Variants in SPAG16 observed in about 807,000 individuals in gnomAD.
The protein encoded by SPAG16 is sperm associated antigen 16, also known as sperm-associated antigen 16 protein.
SPAG16 carries 86 observed loss-of-function variants against 80.4 expected under a neutral mutation model. The observed-to-expected ratio is 1.07, with a 90% confidence interval of 0.90 to 1.28. The LOEUF (loss-of-function observed/expected upper bound fraction) is 1.28. SPAG16 is among the 50% of genes most tolerant of loss of function. The pLI, the probability that SPAG16 is intolerant of heterozygous loss-of-function variation, is 0.00. For missense variants in SPAG16, 870 were observed against 765.3 expected, an observed-to-expected ratio of 1.14 and a Z score of -1.61; for synonymous variants, 294 against 265.9, an observed-to-expected ratio of 1.11 and a Z score of -1.03.
chr2:214,203,376 C>T (rs537843582), intron 15 of SPAG16, among the ~76,000 whole-genome samples: 2 of 152,206 alleles, frequency 1.3e-5, no homozygotes, highest in East Asian at 1.9e-4. Flanking sequence ...AGACTCAAAT[C>T]GTGAATTTTG....
intron 12 of SPAG16, among the ~76,000 whole-genome samples, chr2:213,961,249 C>T (rs1464151382): frequency 6.6e-6 from 1 of 152,134 alleles, no homozygotes; most frequent in African/African-American, 2.4e-5. Context: ...TTGTATATTG[C>T]TCATGTATCC....
intron 10 of SPAG16, among the ~76,000 whole-genome samples, chr2:213,810,237 C>T (rs1214464896): frequency 1.3e-5 from 2 of 152,052 alleles, no homozygotes; most frequent in Admixed American, 6.6e-5. Context: ...CTGAGAATAG[C>T]ATGGACATTA....
intron 9 of SPAG16, among the ~76,000 whole-genome samples, chr2:213,447,752 G>T (rs1237628969): frequency 6.6e-6 from 1 of 152,196 alleles, no homozygotes; most frequent in African/African-American, 2.4e-5. Flanking sequence ...AACTTTGGAC[G>T]AATAATCAAA....
At chr2:213,702,624 A>G (rs1415590540) in intron 10 of SPAG16, among the ~76,000 whole-genome samples, 39 of 152,170 alleles carry the variant, frequency 2.6e-4, no homozygotes, top group Non-Finnish European at 1.0e-4. Context: ...TAATTTTTCA[A>G]AATTATTTCA....
chr2:214,227,804 A>G (rs1688381755), intron 15 of SPAG16, among the ~76,000 whole-genome samples: 1 of 150,348 alleles, frequency 6.7e-6, no homozygotes, highest in African/African-American at 2.4e-5. Flanking sequence ...GACAAATCTC[A>G]GTTTGTTATT....
At chr2:213,803,939 C>T (rs1304699052) in intron 10 of SPAG16, among the ~76,000 whole-genome samples, 2 of 152,304 alleles carry the variant, frequency 1.3e-5, no homozygotes, top group Admixed American at 6.5e-5. Context: ...TGATCCTTTG[C>T]ATCTCAGAAT....
chr2:213,364,153 T>C lies in SPAG16; in HGVS notation c.832+8T>C. On this transcript the variant is annotated splice_region_variant and intron_variant, in intron 8 of 15. Transcript: ENST00000331683. Reference sequence around the variant, plus strand: ...ATGGTCCTCAAATTAAAGGTAAATGTAAAATGTGATGAAGCTCTCATTTAA... The same window carrying C: ...ATGGTCCTCAAATTAAAGGTAAATGCAAAATGTGATGAAGCTCTCATTTAA... 1.4e-6 allele frequency: 2 copies of C among 1,471,954 alleles called. No individual in the cohort carries two copies. The highest frequency in any genetic ancestry group is 1.4e-5 in the South Asian group (1 of 69,412). 91.2% of individuals were successfully genotyped at this position (1,471,954 alleles called of 1,614,324 possible).
At chr2:214,048,895 G>T (rs2049484933) in intron 13 of SPAG16, among the ~76,000 whole-genome samples, 1 of 152,092 alleles carries the variant, frequency 6.6e-6, no homozygotes, top group Admixed American at 6.6e-5. Flanking sequence ...AATATAAGGA[G>T]AATTTAGTAG....
chr2:213,698,090 A>T (rs1213568355), intron 10 of SPAG16, among the ~76,000 whole-genome samples: 1 of 152,104 alleles, frequency 6.6e-6, no homozygotes, highest in African/African-American at 2.4e-5. Context: ...CCTCTTTGTT[A>T]ATCAGTTGAT....
intron 9 of SPAG16, among the ~76,000 whole-genome samples, chr2:213,398,378 C>T (rs1377936350): frequency 6.6e-6 from 1 of 152,112 alleles, no homozygotes; most frequent in South Asian, 2.1e-4. Context: ...TCATTATAAC[C>T]TCTGAGGCCC....
chr2:213,909,125 C>T (rs2077550393), intron 11 of SPAG16, among the ~76,000 whole-genome samples: 1 of 152,128 alleles, frequency 6.6e-6, no homozygotes, highest in African/African-American at 2.4e-5. Context: ...CTCACATTCA[C>T]AATTGCTTCA....
chr2:213,983,220 G>T (rs2045851230), intron 12 of SPAG16, among the ~76,000 whole-genome samples: 1 of 151,778 alleles, frequency 6.6e-6, no homozygotes, highest in African/African-American at 2.4e-5. Context: ...ACATTATTTG[G>T]AAATGCTATA....
At chr2:214,027,563 G>C (rs1388871213) in intron 13 of SPAG16, among the ~76,000 whole-genome samples, 1 of 151,650 alleles carries the variant, frequency 6.6e-6, no homozygotes, top group Non-Finnish European at 1.5e-5. Context: ...ATTGATAAAG[G>C]ATCTATAAGA....
intron 10 of SPAG16, among the ~76,000 whole-genome samples, chr2:213,707,596 A>G (rs1233479362): frequency 1.3e-5 from 2 of 152,154 alleles, no homozygotes; most frequent in East Asian, 1.9e-4. Context: ...GGTGCTCTGC[A>G]TATATGTGTG....
chr2:213,305,632 T>G (rs1311661181), intron 3 of SPAG16, among the ~76,000 whole-genome samples: 1 of 152,192 alleles, frequency 6.6e-6, no homozygotes, highest in Non-Finnish European at 1.5e-5. Flanking sequence ...ATTTTTGATC[T>G]TCATTCTTTT....
chr2:214,302,868 A>G (rs1694657509), intron 15 of SPAG16, among the ~76,000 whole-genome samples: 2 of 152,184 alleles, frequency 1.3e-5, no homozygotes, highest in Non-Finnish European at 2.9e-5. Flanking sequence ...TCCTTTATTC[A>G]TTATATAGTG....
intron 12 of SPAG16, among the ~76,000 whole-genome samples, chr2:213,935,533 G>A (rs1234061989): frequency 6.6e-6 from 1 of 152,128 alleles, no homozygotes; most frequent in Admixed American, 6.6e-5. Context: ...CTTGCCAATA[G>A]CAACATATGC....
At chr2:213,403,371 G>T (rs1304239337) in intron 9 of SPAG16, among the ~76,000 whole-genome samples, 1 of 152,064 alleles carries the variant, frequency 6.6e-6, no homozygotes, top group African/African-American at 2.4e-5. Context: ...CTCCCATTCT[G>T]TCGGTTGCCT....
At chr2:214,065,384 G>A (rs1374543242) in intron 13 of SPAG16, among the ~76,000 whole-genome samples, 1 of 151,930 alleles carries the variant, frequency 6.6e-6, no homozygotes, top group Admixed American at 6.6e-5. Context: ...AACACCGACT[G>A]GAACATAGTA....
Sources: gnomAD v4.1 joint callset for allele counts (sites outside exome capture counted in the v4.1 genomes callset) on GRCh38, gnomAD v4.1.1 for gene constraint, MANE v1.5 for transcripts, NCBI Gene and HGNC (gene_info 2026-07-23, HGNC 2026-07-21) for gene names.